Variants in SBNO2 observed in about 807,000 individuals in gnomAD.
SBNO2 encodes protein strawberry notch homolog 2.
Under a neutral mutation model 146.3 loss-of-function variants are expected in SBNO2, and 89 were observed. The observed-to-expected ratio is 0.61, with a 90% confidence interval of 0.51 to 0.73. The LOEUF (loss-of-function observed/expected upper bound fraction) is 0.73. Ranked by LOEUF, SBNO2 falls within the 30% of genes least tolerant of loss-of-function variation. The probability of loss-of-function intolerance (pLI) is 0.00; values close to 1 mark genes in which losing one functional copy is unlikely to be tolerated. For synonymous variants in SBNO2, 1,147 were observed against 892.6 expected, an observed-to-expected ratio of 1.29 and a Z score of -5.08; for missense variants, 2,092 against 2,003.7, an observed-to-expected ratio of 1.04 and a Z score of -0.84.
In SBNO2 at chr19:1,112,879, T is replaced by C; in HGVS notation, c.2318A>G (p.Gln773Arg). The change falls in exon 20 of 32, where the codon CAG (glutamine) becomes CGG (arginine). Residue 773 changes from glutamine to arginine, a missense_variant. By Grantham distance (43) the Gln-to-Arg change is conservative (BLOSUM62 1). Transcript: ENST00000361757. This position sits in a 1 kb window ranked among gnomAD's most constrained non-coding sequence, Gnocchi z 5.9. ...GTTCACGTGGTCGATGGACAGACCC[T>C]GCTCTGCCCGCGACTCGAAGGCCAC... is the stretch of plus-strand genomic sequence containing the variant. Reference protein sequence around the residue: ...GTVAFESRAEQGLSIDHVNLR... With the variant: ...GTVAFESRAERGLSIDHVNLR... 1.3e-6 allele frequency: 2 copies of C among 1,574,006 alleles called. No homozygotes were observed. Among genetic ancestry groups the C allele is most frequent in the Non-Finnish European group, 1.7e-6 (2 of 1,161,288 alleles).
At position 1,107,865 on chromosome 19, in the gene SBNO2, C is replaced by T. The variant is rs1310350830; in HGVS notation, c.*355G>A. The T allele has an allele frequency of 6.1e-6, 1 of 164,230 alleles. No homozygotes were observed. Among genetic ancestry groups the T allele is most frequent in the Non-Finnish European group, 1.3e-5 (1 of 75,802 alleles). 10.2% of individuals were successfully genotyped at this position (164,230 alleles called of 1,614,324 possible). Reference sequence around the variant, plus strand: ...AGCCCCCGAGACGCGGGGCCCTGAGCACCTGGGGTTTCCTGAGTTTCTAGC... The same window carrying T: ...AGCCCCCGAGACGCGGGGCCCTGAGTACCTGGGGTTTCCTGAGTTTCTAGC... On this transcript the variant is annotated 3_prime_UTR_variant, in exon 32 of 32. Transcript: ENST00000361757.
At chr19:1,123,209 C>G (rs1182523647) in intron 7 of SBNO2, among the ~76,000 whole-genome samples, 164 bp from the exon 8 acceptor site, 1 of 151,418 alleles carries the variant, frequency 6.6e-6, no homozygotes, top group Non-Finnish European at 1.5e-5. Flanking sequence ...CCAGGAATGC[C>G]TGGGTGGAGG....
intron 4 of SBNO2, among the ~76,000 whole-genome samples, chr19:1,145,925 A>G (rs1017870617): frequency 5.3e-5 from 8 of 152,134 alleles, no homozygotes; most frequent in Non-Finnish European, 2.9e-5. Flanking sequence ...TGGGGGCTAC[A>G]GGACAGGAAT....
intron 4 of SBNO2, among the ~76,000 whole-genome samples, chr19:1,146,191 C>T (rs983265160): frequency 6.6e-6 from 1 of 152,208 alleles, no homozygotes; most frequent in South Asian, 2.1e-4. Context: ...TCCAAAAAGA[C>T]CCTACTTTCC....
intron 5 of SBNO2, among the ~76,000 whole-genome samples, chr19:1,125,476 G>C (rs1361065675): frequency 1.3e-5 from 2 of 151,792 alleles, no homozygotes; most frequent in Non-Finnish European, 2.9e-5. Flanking sequence ...TTCAAGACCA[G>C]CCTGACCAAA....
At chr19:1,167,055 C>T (rs1404041126) in intron 1 of SBNO2, among the ~76,000 whole-genome samples, 2 of 152,250 alleles carry the variant, frequency 1.3e-5, no homozygotes, top group African/African-American at 4.8e-5. Flanking sequence ...GCATCAGGTC[C>T]TGGAGGAGGA....
At chr19:1,162,624 C>T (rs2080360150) in intron 1 of SBNO2, among the ~76,000 whole-genome samples, 1 of 152,148 alleles carries the variant, frequency 6.6e-6, no homozygotes, top group Non-Finnish European at 1.5e-5. Flanking sequence ...TTCTCCAGGC[C>T]GGCAACCTTC....
At chr19:1,167,225 C>T (rs1005662981) in intron 1 of SBNO2, among the ~76,000 whole-genome samples, 1 of 152,234 alleles carries the variant, frequency 6.6e-6, no homozygotes, top group Non-Finnish European at 1.5e-5. Flanking sequence ...ACTGAGGGCC[C>T]GAAATCACAG....
chr19:1,111,359 T>C (rs2145190259), intron 24 of SBNO2, 147 bp downstream of exon 24: 1 of 725,282 alleles, frequency 1.4e-6, no homozygotes, highest in Non-Finnish European at 2.3e-6. Context: ...TTGGCTCCCT[T>C]TGCCTTCACA....
chr19:1,122,887 C>A lies in SBNO2; in HGVS notation c.780+7G>T, dbSNP rs375708101. The A allele has an allele frequency of 6.8e-5, 105 of 1,542,000 alleles. No homozygotes were observed. The African/African-American group carries it at 9.6e-4, about 14-fold the overall frequency. ...CAGGCTGGGCTGGGTTGGGGACATG[C>A]GGTCACCTGGCAGGCGTAGGTGATG... On this transcript the variant is annotated splice_region_variant and intron_variant, in intron 8 of 31. Transcript: ENST00000361757.
At chr19:1,171,380 A>G (rs989167010) in intron 1 of SBNO2, among the ~76,000 whole-genome samples, 2 of 152,202 alleles carry the variant, frequency 1.3e-5, no homozygotes, top group African/African-American at 4.8e-5. Context: ...GTGCATGCAC[A>G]TGGCGCAACA....
At chr19:1,133,947 CCCA>C (rs906076560) in intron 4 of SBNO2, among the ~76,000 whole-genome samples, 2 of 152,252 alleles carry the variant, frequency 1.3e-5, no homozygotes, top group Non-Finnish European at 2.9e-5. Flanking sequence ...CAGCTGCACT[CCCA>C]CGTGCCATCA....
In SBNO2 at chr19:1,154,550, CT is replaced by C. The variant is rs764156875; in HGVS notation, c.-126-149del. 225 of 353,408 alleles carry C rather than the reference CT, an allele frequency of 6.4e-4. 1 individual carries two copies. The East Asian group carries it at 8.8e-3, about 14-fold the overall frequency. The allele number at this position is 353,408 out of a possible 1,614,324, so 21.9% of individuals were successfully genotyped here. A position where few individuals can be genotyped will look rare whatever the true frequency, so the allele number is the denominator to read the frequency against. On this transcript the variant is annotated intron_variant, in intron 1 of 31. Coordinates refer to ENST00000361757, the MANE Select transcript of SBNO2 (RefSeq NM_014963.3). ...CCGGAACCAAAAGGCGCTCCTTCCC[CT>C]CCCCACTCACCCCCACCCGCCATCA...
At chr19:1,139,868 C>G (rs2080119085) in intron 4 of SBNO2, among the ~76,000 whole-genome samples, 2 of 152,110 alleles carry the variant, frequency 1.3e-5, no homozygotes, top group Admixed American at 6.6e-5. Context: ...TCGCTTGAAC[C>G]TGGGAGGCAG....
Position 1,136,399 on chromosome 19 carries a change from G to A in SBNO2, c.280-8634C>T, listed in dbSNP as rs1454330074. On this transcript the variant is annotated intron_variant, in intron 4 of 31. Coordinates refer to ENST00000361757, the MANE Select transcript of SBNO2 (RefSeq NM_014963.3). The surrounding 1 kb of genome is among the most constrained non-coding windows in gnomAD (Gnocchi z 4.2). ...GGCCGCCGCCTCAGTGTCTTCTGGT[G>A]CTGCAGCCGGGCAGGGCCGAACCCT... 6.6e-6 allele frequency among the ~76,000 whole-genome samples: 1 copy of A among 152,238 alleles called. No homozygotes were observed. The highest frequency in any genetic ancestry group is 2.4e-5 in the African/African-American group (1 of 41,464).
chr19:1,157,669 G>A lies in SBNO2; in HGVS notation c.-126-3267C>T, dbSNP rs939209789. ...GGGATGTGGCTTCCTTCTGAAATCA[G>A]GTCTTCAAGGGAGTCGTTGTAAAAG... On this transcript the variant is annotated intron_variant, in intron 1 of 31. Coordinates refer to ENST00000361757, the MANE Select transcript of SBNO2 (RefSeq NM_014963.3). The surrounding 1 kb of genome is among the most constrained non-coding windows in gnomAD (Gnocchi z 6.8). 6.6e-6 allele frequency among the ~76,000 whole-genome samples: 1 copy of A among 152,174 alleles called. No individual in the cohort carries two copies. Among genetic ancestry groups the A allele is most frequent in the Non-Finnish European group, 1.5e-5 (1 of 68,032 alleles).
chr19:1,122,141 C>A lies in SBNO2; in HGVS notation c.1147G>T (p.Val383Phe). 1 of 1,438,658 alleles carries A rather than the reference C, an allele frequency of 7.0e-7. No individual in the cohort carries two copies. Among genetic ancestry groups the A allele is most frequent in the Non-Finnish European group, 9.2e-7 (1 of 1,090,058 alleles). The allele number at this position is 1,438,658 out of a possible 1,614,324, so 89.1% of individuals were successfully genotyped here. A position where few individuals can be genotyped will look rare whatever the true frequency, so the allele number is the denominator to read the frequency against. Residue 383 changes from valine to phenylalanine, a missense_variant and splice_region_variant, in exon 11 of 32, where the codon GTC (valine) becomes TTC (phenylalanine). Coordinates refer to ENST00000361757, the MANE Select transcript of SBNO2 (RefSeq NM_014963.3). ...LDWCGEAFEG[V>F]IVFDECHKAK... ...CCCGATTGCCCCCAGCAGGATACGACGCCCTCGAAGGCCTCCCCACACCAG... is the reference window on the plus strand; with the variant it reads ...CCCGATTGCCCCCAGCAGGATACGAAGCCCTCGAAGGCCTCCCCACACCAG...
chr19:1,110,575 C>T lies in SBNO2; in HGVS notation c.3028+170G>A, dbSNP rs532906115. 7.4e-5 allele frequency: 48 copies of T among 645,628 alleles called. 3 individuals are homozygous for T. Among genetic ancestry groups the T allele is most frequent in the African/African-American group, 1.6e-4 (8 of 50,638 alleles). 40.0% of individuals were successfully genotyped at this position (645,628 alleles called of 1,614,324 possible). The stretch of plus-strand genomic sequence containing the variant: ...CCCCGAGCCCACCTGGGATGCCCGG[C>T]GTTCCCACGAGCCCCTCGCCCACCC... On this transcript the variant is annotated intron_variant, in intron 26 of 31. Transcript: ENST00000361757. This position sits in a 1 kb window ranked among gnomAD's most constrained non-coding sequence, Gnocchi z 4.9.
intron 4 of SBNO2, among the ~76,000 whole-genome samples, chr19:1,141,329 C>G (rs1419375668): frequency 6.6e-6 from 1 of 152,054 alleles, no homozygotes; most frequent in Non-Finnish European, 1.5e-5. Flanking sequence ...ATTCTCCTGC[C>G]TCAGCCTCCT....
Sources: gnomAD v4.1 joint callset for allele counts (sites outside exome capture counted in the v4.1 genomes callset) on GRCh38, gnomAD v4.1.1 for gene constraint, Gnocchi (gnomAD v3.1) non-coding constraint, MANE v1.5 for transcripts, NCBI Gene and HGNC (gene_info 2026-07-23, HGNC 2026-07-21) for gene names.